The following C1QTNF7 variants were observed in gnomAD, a reference collection of about 807,000 sequenced individuals.
C1QTNF7 encodes C1q and TNF related 7.
In C1QTNF7, 15 loss-of-function variants were observed where a neutral mutation model predicts 19.6. The ratio of observed to expected loss-of-function variants is 0.76; its 90% CI spans 0.51 to 1.18. C1QTNF7 has a LOEUF of 1.18. Ranked by LOEUF, C1QTNF7 falls within the 50% of genes most tolerant of loss-of-function variation. The probability of loss-of-function intolerance (pLI) is 0.00; values close to 1 mark genes in which losing one functional copy is unlikely to be tolerated. For missense variants in C1QTNF7, 324 were observed against 359.7 expected, an observed-to-expected ratio of 0.90 and a Z score of 0.80; for synonymous variants, 142 against 137.5, an observed-to-expected ratio of 1.03 and a Z score of -0.23.
chr4:15,344,312 G>A (rs1382243004), intron 1 of C1QTNF7, among the ~76,000 whole-genome samples: 1 of 152,150 alleles, frequency 6.6e-6, no homozygotes, highest in Non-Finnish European at 1.5e-5. Context: ...ACAATGAATT[G>A]GATGAGTAAC....
At chr4:15,437,856 T>C (rs989903379) in intron 2 of C1QTNF7, among the ~76,000 whole-genome samples, 1 of 152,172 alleles carries the variant, frequency 6.6e-6, no homozygotes, top group South Asian at 2.1e-4. Flanking sequence ...CCTCTCTAAA[T>C]TGACAATCAA....
chr4:15,424,092 T>C (rs1711926885), upstream of C1QTNF7, among the ~76,000 whole-genome samples: 1 of 152,194 alleles, frequency 6.6e-6, no homozygotes, highest in South Asian at 2.1e-4. Context: ...TTTTATGACA[T>C]CTCAGGCAAA....
chr4:15,355,705 C>T (rs548644678), intron 1 of C1QTNF7, among the ~76,000 whole-genome samples: 1 of 152,274 alleles, frequency 6.6e-6, no homozygotes, highest in African/African-American at 2.4e-5. Flanking sequence ...AGGAAAGTTC[C>T]CTGCCATGCA....
At chr4:15,353,005 A>G (rs1716988733) in intron 1 of C1QTNF7, among the ~76,000 whole-genome samples, 1 of 152,210 alleles carries the variant, frequency 6.6e-6, no homozygotes, top group Non-Finnish European at 1.5e-5. Context: ...CTTAGAAAAG[A>G]ATGACATCTA....
chr4:15,374,673 C>T, intron 1 of C1QTNF7: 3 of 985,290 alleles, frequency 3.0e-6, no homozygotes, highest in Non-Finnish European at 3.6e-6. Flanking sequence ...TATGAATAAT[C>T]CTCGCTGCCA....
At chr4:15,375,804 TC>T (rs1264544337) in intron 1 of C1QTNF7, among the ~76,000 whole-genome samples, 1 of 152,190 alleles carries the variant, frequency 6.6e-6, no homozygotes, top group Non-Finnish European at 1.5e-5. Context: ...ACTGGAAAGC[TC>T]CTCCAAAATA....
intron 1 of C1QTNF7, among the ~76,000 whole-genome samples, chr4:15,387,972 T>C (rs1299197485): frequency 6.6e-6 from 1 of 152,142 alleles, no homozygotes; most frequent in Non-Finnish European, 1.5e-5. Context: ...GAAGATGGTA[T>C]CCAGGGCACA....
At chr4:15,340,640 A>G (rs892097335) in intron 1 of C1QTNF7, among the ~76,000 whole-genome samples, 1 of 152,204 alleles carries the variant, frequency 6.6e-6, no homozygotes, top group Non-Finnish European at 1.5e-5. Flanking sequence ...AGATTTTAAT[A>G]TCTTTCCAAA....
chr4:15,392,372 C>A (rs1341643950), intron 1 of C1QTNF7, among the ~76,000 whole-genome samples: 3 of 152,220 alleles, frequency 2.0e-5, no homozygotes, highest in African/African-American at 7.2e-5. Flanking sequence ...CTCGCAGAAC[C>A]AAGGTACACA....
At chr4:15,436,944 G>T (rs1220594766) in intron 2 of C1QTNF7, among the ~76,000 whole-genome samples, 1 of 152,178 alleles carries the variant, frequency 6.6e-6, no homozygotes, top group African/African-American at 2.4e-5. Flanking sequence ...TTCTGAATTT[G>T]CCATGCGGAT....
chr4:15,355,409 G>A (rs1717107311), intron 1 of C1QTNF7, among the ~76,000 whole-genome samples: 2 of 152,094 alleles, frequency 1.3e-5, no homozygotes, highest in East Asian at 1.9e-4. Flanking sequence ...TGGATCATGT[G>A]TTAAACCTCA....
intron 1 of C1QTNF7, among the ~76,000 whole-genome samples, chr4:15,361,465 C>T (rs577960807): frequency 4.6e-5 from 7 of 152,196 alleles, no homozygotes; most frequent in Middle Eastern, 3.4e-3. Context: ...ACACATTAAT[C>T]GCTTACATTG....
At chr4:15,431,057 GATA>G (rs1712285262) in intron 1 of C1QTNF7, among the ~76,000 whole-genome samples, 1 of 54,240 alleles carries the variant, frequency 1.8e-5, no homozygotes, top group African/African-American at 6.8e-5. Context: ...ATAGATGATA[GATA>G]GATAGATAGA....
chr4:15,361,566 G>C (rs1181244854), intron 1 of C1QTNF7, among the ~76,000 whole-genome samples: 1 of 152,076 alleles, frequency 6.6e-6, no homozygotes, highest in East Asian at 1.9e-4. Flanking sequence ...CCAGAAAGGT[G>C]TTTTTGCCTC....
chr4:15,369,301 C>A (rs534825264), intron 1 of C1QTNF7, among the ~76,000 whole-genome samples: 1 of 152,190 alleles, frequency 6.6e-6, no homozygotes, highest in African/African-American at 2.4e-5. Flanking sequence ...GCAGGGAAAC[C>A]AGCATCACTT....
intron 1 of C1QTNF7, among the ~76,000 whole-genome samples, chr4:15,409,227 A>G (rs769313381): frequency 2.0e-5 from 3 of 152,248 alleles, no homozygotes; most frequent in South Asian, 2.1e-4. Flanking sequence ...AATATTATTG[A>G]CATAAAAAGG....
chr4:15,399,736 C>T (rs1241945018), intron 1 of C1QTNF7, among the ~76,000 whole-genome samples: 1 of 152,192 alleles, frequency 6.6e-6, no homozygotes, highest in East Asian at 1.9e-4. Flanking sequence ...ATAAGTCCAA[C>T]TTTCCCACAG....
chr4:15,381,700 G>T (rs1395534058), intron 1 of C1QTNF7: 1 of 152,164 alleles, frequency 6.6e-6, no homozygotes, highest in East Asian at 1.9e-4. Flanking sequence ...AAAGAGGCTA[G>T]CATGAACTAG....
intron 1 of C1QTNF7, among the ~76,000 whole-genome samples, chr4:15,367,993 C>T (rs10010275): frequency 0.47 from 71,661 of 151,982 alleles, 18,233 homozygotes; most frequent in African/African-American, 0.66. Context: ...ACTGCCAAAA[C>T]TTAAGAAACA....
Sources: allele counts gnomAD v4.1 joint callset (sites outside exome capture counted in the v4.1 genomes callset), GRCh38; gene constraint gnomAD v4.1.1; transcripts MANE v1.5; gene names NCBI Gene and HGNC (gene_info 2026-07-23, HGNC 2026-07-21).